POLR2E: variants seen among roughly 807,000 people sequenced by gnomAD.
POLR2E encodes the protein RNA polymerase II, I and III subunit E.
In POLR2E, 35 loss-of-function variants were observed where a neutral mutation model predicts 29.8. That is an observed-to-expected ratio of 1.17 (90% CI 0.90 to 1.55). The LOEUF is 1.55. Ranked by LOEUF, POLR2E falls within the 40% of genes most tolerant of loss-of-function variation. The pLI is 0.00. For missense variants in POLR2E, 287 were observed against 288.6 expected (o/e 0.99, Z 0.04); for synonymous variants, 174 against 112.6 (o/e 1.55, Z -3.45).
intron 3 of POLR2E, 23 bp downstream of exon 3, chr19:1,091,769 C>T (rs1489734500): frequency 1.2e-5 from 14 of 1,159,348 alleles, no homozygotes; most frequent in East Asian, 4.6e-5. Context: ...GAGAGGCTGG[C>T]GGGGTGGGGC....
intron 4 of POLR2E, 29 bp from the exon 5 acceptor site, chr19:1,090,174 A>C: frequency 6.2e-7 from 1 of 1,603,550 alleles, no homozygotes; most frequent in Non-Finnish European, 8.5e-7. Flanking sequence ...ACCAGGCATC[A>C]CCAAGGGCTG....
intron 4 of POLR2E, among the ~76,000 whole-genome samples, 183 bp from the exon 5 acceptor site, chr19:1,090,328 C>G (rs2043802009): frequency 1.3e-5 from 2 of 151,694 alleles, no homozygotes. Context: ...GGAGTCACAG[C>G]TCCTGGGGCT....
rs562797708 is a variant in POLR2E, at chr19:1,090,506, C to G, written c.430-361G>C. 1.6e-4 allele frequency among the ~76,000 whole-genome samples: 21 copies of G among 130,894 alleles called. No individual in the cohort carries two copies. The South Asian group carries it at 3.8e-3, about 24-fold the overall frequency. 85.9% of individuals were successfully genotyped at this position (130,894 alleles called of 152,430 possible). A position where few individuals can be genotyped will look rare whatever the true frequency, so the allele number is the denominator to read the frequency against. ...TTTGAGATGGAGTCTTGCTCTGTCT[C>G]CCAGGCTGGAGTGCAGTGGCACAAT... On this transcript the variant is annotated intron_variant, in intron 4 of 7. Coordinates refer to ENST00000615234, the MANE Select transcript of POLR2E (RefSeq NM_002695.5).
intron 2 of POLR2E, 78 bp downstream of exon 2, chr19:1,093,826 G>C (rs1285798175): frequency 6.8e-7 from 1 of 1,471,612 alleles, no homozygotes; most frequent in Admixed American, 2.5e-5. Flanking sequence ...CAGGCGAGTG[G>C]GGGTGGGTGC....
chr19:1,091,932 T>G (rs201669551), intron 2 of POLR2E, 25 bp from the exon 3 acceptor site: 497 of 1,536,404 alleles, frequency 3.2e-4, no homozygotes, highest in Middle Eastern at 2.0e-3. Flanking sequence ...TGTGCTGGCC[T>G]GCACGAGCCT....
At chr19:1,089,652 G>A (rs2043786485) in intron 6 of POLR2E, 101 bp from the exon 7 acceptor site, 13 of 1,030,910 alleles carry the variant, frequency 1.3e-5, no homozygotes, top group Admixed American at 1.8e-5. Context: ...GCCGGCAGGG[G>A]TCCGAGATGG....
chr19:1,090,236 C>A lies in POLR2E; in HGVS notation c.430-91G>T, dbSNP rs542603057. 1.5e-5 allele frequency: 16 copies of A among 1,098,198 alleles called. No homozygotes were observed. In the African/African-American group the frequency reaches 2.2e-4, roughly 15 times the overall value. The allele number at this position is 1,098,198 out of a possible 1,614,324, so 68.0% of individuals were successfully genotyped here. On this transcript the variant is annotated intron_variant, in intron 4 of 7. Coordinates refer to ENST00000615234, the MANE Select transcript of POLR2E (RefSeq NM_002695.5). ...CCACCACAGCCCCTGCGCCTTCAGACGGACAAGAGCCCTGAACCCCACCCC... is the reference window on the plus strand; with the variant it reads ...CCACCACAGCCCCTGCGCCTTCAGAAGGACAAGAGCCCTGAACCCCACCCC...
Position 1,089,908 on chromosome 19 carries a change from G to A in POLR2E, c.543C>T (p.Arg181=), listed in dbSNP as rs758893398. 6.2e-7 allele frequency: 1 copy of A among 1,612,482 alleles called. No individual in the cohort carries two copies. The highest frequency in any genetic ancestry group is 8.5e-7 in the Non-Finnish European group (1 of 1,179,830). The change falls in exon 6 of 8, where the codon CGC becomes CGT. Residue 181 remains arginine, a synonymous_variant. Transcript: ENST00000615234. ...CCTGCCCACGCTTTATCCCAAAGTA[G>A]CGCGCCACAGGGTCCCCCGCCTGGA... ...PRIQAGDPVA[R]YFGIKRGQVV... is the part of the protein sequence containing the mutation.
intron 4 of POLR2E, 68 bp downstream of exon 4, chr19:1,090,840 C>T: frequency 7.3e-7 from 1 of 1,379,000 alleles, no homozygotes; most frequent in East Asian, 2.3e-5. Context: ...CCCACATCTT[C>T]CTGGCCACCC....
At position 1,088,236 on chromosome 19, in the gene POLR2E, C is replaced by T. The variant is rs993323914; in HGVS notation, c.*499G>A. On this transcript the variant is annotated 3_prime_UTR_variant, in exon 8 of 8. Transcript: ENST00000615234. ...AAAACACCCAACCTCCTACAACAACCGAGAACTCCAGAGCTGGCATCTCGC... is the reference window on the plus strand; with the variant it reads ...AAAACACCCAACCTCCTACAACAACTGAGAACTCCAGAGCTGGCATCTCGC... 6.6e-6 allele frequency: 1 copy of T among 152,426 alleles called. No homozygotes were observed. Among genetic ancestry groups the T allele is most frequent in the African/African-American group, 2.4e-5 (1 of 41,462 alleles). The allele number at this position is 152,426 out of a possible 1,614,324, so 9.4% of individuals were successfully genotyped here.
rs569912436 is a variant in POLR2E at position 1,090,065 on chromosome 19, C to A, written c.488+22G>T. ...TCTCGAGGGACAGGGAGGGGCGGGG[C>A]CGGTGGGGCTGGAAAGGATACTATC... is the stretch of plus-strand genomic sequence containing the variant. On this transcript the variant is annotated intron_variant, in intron 5 of 7. Transcript: ENST00000615234. 1.9e-5 allele frequency: 31 copies of A among 1,608,390 alleles called. No homozygotes were observed. In the South Asian group the frequency reaches 3.3e-4, roughly 17 times the overall value.
At chr19:1,091,386 A>G (rs1038817140) in intron 3 of POLR2E, 1 of 362,204 alleles carries the variant, frequency 2.8e-6, no homozygotes, top group South Asian at 3.1e-5. Context: ...CTGGCTCCAG[A>G]GTGTCCGACA....
intron 7 of POLR2E, 74 bp downstream of exon 7, chr19:1,089,398 C>A: frequency 1.0e-6 from 1 of 977,500 alleles, no homozygotes; most frequent in Non-Finnish European, 1.6e-6. Context: ...GCAAGAACAG[C>A]CCTGCACACC....
chr19:1,093,668 T>C, intron 2 of POLR2E: 1 of 1,208,060 alleles, frequency 8.3e-7, no homozygotes, highest in African/African-American at 1.6e-5. Context: ...GTGACTCTCC[T>C]CGTTGGCAGG....
rs1370978692 is a variant in POLR2E at position 1,090,089 on chromosome 19, T to C, written c.486A>G (p.Arg162=). 10 of 1,611,950 alleles carry C rather than the reference T, an allele frequency of 6.2e-6. No individual in the cohort carries two copies. In the South Asian group the frequency reaches 7.7e-5, roughly 12 times the overall value. Residue 162 remains arginine (R), a splice_region_variant and synonymous_variant, in exon 5 of 8, where the codon CGA becomes CGG. Transcript: ENST00000615234. ...TKEEVTELLA[R]YKLRENQLPR... ...GCCGGTGGGGCTGGAAAGGATACTA[T>C]CGGGCCAGCAGCTCTGTCACCTCCT...
At chr19:1,090,818 T>TG in intron 4 of POLR2E, 90 bp downstream of exon 4, 7 of 1,145,446 alleles carry the variant, frequency 6.1e-6, no homozygotes, top group Non-Finnish European at 8.8e-6. Context: ...ACACCTGCCC[T>TG]GGGCCCCAGA....
At chr19:1,092,008 GTGTCTC>G (rs2043843478) in intron 2 of POLR2E, 101 bp from the exon 3 acceptor site, 2 of 796,464 alleles carry the variant, frequency 2.5e-6, no homozygotes, top group Admixed American at 3.8e-5. Flanking sequence ...TTCCACACAG[GTGTCTC>G]TCCTGCTCGG....
chr19:1,089,239 C>T (rs765604861), intron 7 of POLR2E, among the ~76,000 whole-genome samples: 4 of 152,238 alleles, frequency 2.6e-5, no homozygotes, highest in East Asian at 1.9e-4. Flanking sequence ...GAGAGACGCA[C>T]GCCCCGCGTA....
rs1169283501 is a variant in POLR2E at position 1,088,252 on chromosome 19, G to C, written c.*483C>G. 1.3e-5 allele frequency: 2 copies of C among 152,404 alleles called. No individual in the cohort carries two copies. The highest frequency in any genetic ancestry group is 4.8e-5 in the African/African-American group (2 of 41,454). 9.4% of individuals were successfully genotyped at this position (152,404 alleles called of 1,614,324 possible). Reference sequence around the variant, plus strand: ...TACAACAACCGAGAACTCCAGAGCTGGCATCTCGCACCCTGGTGGCTTGAG... The same window carrying C: ...TACAACAACCGAGAACTCCAGAGCTCGCATCTCGCACCCTGGTGGCTTGAG... On this transcript the variant is annotated 3_prime_UTR_variant, in exon 8 of 8. Transcript: ENST00000615234.
Sources: gnomAD v4.1 joint callset for allele counts (sites outside exome capture counted in the v4.1 genomes callset) on GRCh38, gnomAD v4.1.1 for gene constraint, MANE v1.5 for transcripts, NCBI Gene and HGNC (gene_info 2026-07-23, HGNC 2026-07-21) for gene names.